The following KLF10 variants were observed in gnomAD, a reference collection of about 807,000 sequenced individuals.
The protein encoded by KLF10 is KLF transcription factor 10, also known as Krueppel-like factor 10.
Under a neutral mutation model 31.6 loss-of-function variants are expected in KLF10, and 17 were observed. The ratio of observed to expected loss-of-function variants is 0.54; its 90% CI spans 0.37 to 0.81. KLF10 has a LOEUF of 0.81. Among genes scored for constraint, KLF10 ranks in the 30% least tolerant of loss-of-function variants. The pLI is 0.00. For synonymous variants in KLF10, 239 were observed against 215.1 expected (o/e 1.11, Z -0.97); for missense variants, 525 against 598.1 (o/e 0.88, Z 1.27).
rs1372555110 is a variant in KLF10, at chr8:102,651,364, T to C, written c.968A>G (p.Gln323Arg). 6.3e-7 allele frequency: 1 copy of C among 1,599,836 alleles called. No individual in the cohort carries two copies. Among genetic ancestry groups the C allele is most frequent in the African/African-American group, 1.3e-5 (1 of 74,670 alleles). Residue 323 changes from glutamine (Q) to arginine (R), a missense_variant, in exon 3 of 4, where the codon CAG (glutamine) becomes CGG (arginine). By Grantham distance (43) the Gln-to-Arg change is conservative. Around this residue, in one of 3 missense-constraint regions of KLF10, gnomAD observed 434 missense variants for 450.7 expected, o/e 0.96. Transcript: ENST00000285407. Reference protein sequence around the residue: ...PKGAVMFVVPQPVVQSSKPPV... With the variant: ...PKGAVMFVVPRPVVQSSKPPV... ...AGGCTTTGAACTCTGCACAACGGGC[T>C]GGGGTACCACAAACATGACAGCGCC...
At chr8:102,653,804 G>A (rs1215207623) in intron 1 of KLF10, 3 of 1,054,878 alleles carry the variant, frequency 2.8e-6, no homozygotes, top group Non-Finnish European at 3.5e-6. Flanking sequence ...GGGAAGGACA[G>A]GAAGGGAAAC....
chr8:102,649,296 T>TC lies in KLF10; in HGVS notation c.*835dup, dbSNP rs1307366487. The TC allele has an allele frequency of 1.3e-5, 2 of 152,272 alleles. No homozygotes were observed. Among genetic ancestry groups the TC allele is most frequent in the African/African-American group, 4.8e-5 (2 of 41,468 alleles). 9.4% of individuals were successfully genotyped at this position (152,272 alleles called of 1,614,324 possible). A position where few individuals can be genotyped will look rare whatever the true frequency, so the allele number is the denominator to read the frequency against. On this transcript the variant is annotated 3_prime_UTR_variant, in exon 4 of 4. Transcript: ENST00000285407. ...ATATCCCTTCTTTACAATATATATTTCATCTTCAGTTTTTTTTCTAAACAA... is the reference window on the plus strand; with the variant it reads ...ATATCCCTTCTTTACAATATATATTTCCATCTTCAGTTTTTTTTCTAAACAA...
chr8:102,650,212 T>C lies in KLF10; in HGVS notation c.1363A>G (p.Lys455Glu). 6.2e-7 allele frequency: 1 copy of C among 1,614,232 alleles called. No individual in the cohort carries two copies. Among genetic ancestry groups the C allele is most frequent in the Non-Finnish European group, 8.5e-7 (1 of 1,180,042 alleles). The change falls in exon 4 of 4, where the codon AAG (lysine) becomes GAG (glutamate). Residue 455 changes from lysine to glutamate, a missense_variant. Transcript: ENST00000285407. ...TCCATCTGCCAGTTTGGTAGCTTCT[T>C]GGCTGATAGATGGCGCCGGGCATGC... ...TKHARRHLSA[K>E]KLPNWQMEVS...
chr8:102,651,886 T>C lies in KLF10; in HGVS notation c.446A>G (p.Lys149Arg), dbSNP rs1291534608. ...KSPVSAPKLP[K>R]AQATSVIRHT... is the part of the protein sequence containing the mutation. ...ACGAATCACACTTGTTGCCTGAGCT[T>C]TGGGGAGTTTGGGGGCAGATACTGG... Residue 149 changes from lysine to arginine, a missense_variant, in exon 3 of 4, where the codon AAA (lysine) becomes AGA (arginine). By Grantham distance (26) the Lys-to-Arg change is conservative. Transcript: ENST00000285407. 1.2e-6 allele frequency: 2 copies of C among 1,613,966 alleles called. No homozygotes were observed. Among genetic ancestry groups the C allele is most frequent in the African/African-American group, 1.3e-5 (1 of 74,892 alleles).
chr8:102,650,239 T>C lies in KLF10; in HGVS notation c.1336A>G (p.Lys446Glu). 1 of 1,614,176 alleles carries C rather than the reference T, an allele frequency of 6.2e-7. No homozygotes were observed. The highest frequency in any genetic ancestry group is 8.5e-7 in the Non-Finnish European group (1 of 1,180,024). The change falls in exon 4 of 4, where the codon AAG (lysine) becomes GAG (glutamate). Residue 446 changes from lysine to glutamate, a missense_variant. Around this residue, in one of 3 missense-constraint regions of KLF10, gnomAD observed 49 missense variants for 105.0 expected, o/e 0.47. Transcript: ENST00000285407. ...GCTGATAGATGGCGCCGGGCATGCT[T>C]GGTCAAATGGTCACTCCTCATGAAC... ...RRFMRSDHLT[K>E]HARRHLSAKK... is the part of the protein sequence containing the mutation.
In KLF10 at chr8:102,652,344, C is replaced by T; in HGVS notation, c.90G>A (p.Trp30Ter). 1 of 1,611,766 alleles carries T rather than the reference C, an allele frequency of 6.2e-7. No homozygotes were observed. The highest frequency in any genetic ancestry group is 8.5e-7 in the Non-Finnish European group (1 of 1,178,486). The change falls in exon 2 of 4, where the codon TGG (tryptophan) becomes TGA (stop). Residue 30 changes from tryptophan (W) to a stop codon, truncating the protein, a stop_gained. Coordinates refer to ENST00000285407, the MANE Select transcript of KLF10 (RefSeq NM_005655.4). LOFTEE classifies it high-confidence loss of function. ...SERPKESMYS[W>*]NKTAEKSDFE... ...AATCACTTTTCTCTGCAGTTTTGTT[C>T]CAGGAATACATACTCTCTTTTGGCC...
At position 102,650,042 on chromosome 8, in the gene KLF10, G is replaced by C; in HGVS notation, c.*90C>G. ...GCTTCTGCTTTAAGCCCACGTTGTG[G>C]GGCCACAGACTTGCAGTGGAAGCAT... On this transcript the variant is annotated 3_prime_UTR_variant, in exon 4 of 4. Coordinates refer to ENST00000285407, the MANE Select transcript of KLF10 (RefSeq NM_005655.4). 6.7e-7 allele frequency: 1 copy of C among 1,488,888 alleles called. No individual in the cohort carries two copies. Among genetic ancestry groups the C allele is most frequent in the South Asian group, 1.3e-5 (1 of 76,232 alleles). The allele number at this position is 1,488,888 out of a possible 1,614,324, so 92.2% of individuals were successfully genotyped here. A position where few individuals can be genotyped will look rare whatever the true frequency, so the allele number is the denominator to read the frequency against.
At chr8:102,654,024 G>GC (rs1827295086) in intron 1 of KLF10, 1 of 979,828 alleles carries the variant, frequency 1.0e-6, no homozygotes. Context: ...CCGCGCCCCT[G>GC]CCCCCGCCAT....
Position 102,649,950 on chromosome 8 carries a change from G to T in KLF10, c.*182C>A. The stretch of plus-strand genomic sequence containing the variant: ...TAAGAAATGAAACCTGCCTTTCTGT[G>T]ACCTGCCTGTGGCCGAAGCCCTTTT... On this transcript the variant is annotated 3_prime_UTR_variant, in exon 4 of 4. Coordinates refer to ENST00000285407, the MANE Select transcript of KLF10 (RefSeq NM_005655.4). 1 of 649,176 alleles carries T rather than the reference G, an allele frequency of 1.5e-6. No individual in the cohort carries two copies. Among genetic ancestry groups the T allele is most frequent in the South Asian group, 2.0e-5 (1 of 49,660 alleles). The allele number at this position is 649,176 out of a possible 1,614,324, so 40.2% of individuals were successfully genotyped here. A position where few individuals can be genotyped will look rare whatever the true frequency, so the allele number is the denominator to read the frequency against.
At chr8:102,650,433 C>G in intron 3 of KLF10, 42 bp from the exon 4 acceptor site, 3 of 1,575,850 alleles carry the variant, frequency 1.9e-6, no homozygotes, top group Non-Finnish European at 2.6e-6. Context: ...CATAAGATTG[C>G]CGTAAATTAT....
At chr8:102,653,760 G>A (rs1827278206) in intron 1 of KLF10, 1 of 1,114,854 alleles carries the variant, frequency 9.0e-7, no homozygotes, top group Non-Finnish European at 1.1e-6. Context: ...AAGGAAAAAA[G>A]AAAGGCAGGC....
intron 1 of KLF10, chr8:102,653,447 T>A (rs1204862594): frequency 1.4e-6 from 2 of 1,470,834 alleles, no homozygotes; most frequent in Admixed American, 2.2e-5. Context: ...TGAACTACGC[T>A]AAAAAAAAAT....
chr8:102,655,036 A>AC (rs377611818), intron 1 of KLF10, among the ~76,000 whole-genome samples: 1 of 150,212 alleles, frequency 6.7e-6, no homozygotes, highest in Middle Eastern at 3.4e-3. Context: ...GTGGGTTCAG[A>AC]CCCCCAGGAT....
At chr8:102,653,456 A>G (rs368057152) in intron 1 of KLF10, 952 of 1,542,974 alleles carry the variant, frequency 6.2e-4, no homozygotes, top group Non-Finnish European at 8.0e-4. Context: ...CTAAAAAAAA[A>G]TGGTACTACT....
At chr8:102,654,357 C>T (rs912183839) in intron 1 of KLF10, 4 of 149,984 alleles carry the variant, frequency 2.7e-5, no homozygotes, top group South Asian at 2.1e-4. Flanking sequence ...CCCCGCGAGC[C>T]GCCGTTCCCT....
chr8:102,652,214 C>T lies in KLF10; in HGVS notation c.220G>A (p.Glu74Lys), dbSNP rs371737466. 1 of 1,610,236 alleles carries T rather than the reference C, an allele frequency of 6.2e-7. No individual in the cohort carries two copies. Among genetic ancestry groups the T allele is most frequent in the Non-Finnish European group, 8.5e-7 (1 of 1,177,652 alleles). Residue 74 changes from glutamate to lysine, a missense_variant, in exon 2 of 4, where the codon GAA becomes AAA. Coordinates refer to ENST00000285407, the MANE Select transcript of KLF10 (RefSeq NM_005655.4). ...GGTGTTCCCGGAAGCAGATTCTCTTCCTCTGACAAATCAGATACTGGTGTA... is the reference window on the plus strand; with the variant it reads ...GGTGTTCCCGGAAGCAGATTCTCTTTCTCTGACAAATCAGATACTGGTGTA... ...PVTPVSDLSE[E>K]ENLLPGTPDF...
chr8:102,652,470 ATT>A (rs10639139), intron 1 of KLF10, 73 bp from the exon 2 acceptor site: 11,554 of 483,638 alleles, frequency 0.024, no homozygotes, highest in South Asian at 0.04. Flanking sequence ...AAATGAGCAA[ATT>A]TTTTTTTTTT....
At chr8:102,653,336 G>A (rs1417115997) in intron 1 of KLF10, 1 of 733,570 alleles carries the variant, frequency 1.4e-6, no homozygotes, top group African/African-American at 1.8e-5. Flanking sequence ...AATCAAAGTA[G>A]AATCTATTTT....
Position 102,651,253 on chromosome 8 carries a change from T to A in KLF10, c.1079A>T (p.Gln360Leu). 1 of 1,604,220 alleles carries A rather than the reference T, an allele frequency of 6.2e-7. No homozygotes were observed. The highest frequency in any genetic ancestry group is 8.5e-7 in the Non-Finnish European group (1 of 1,175,220). ...ACTCCTTATCCTTGATGAATCAATC[T>A]GAGGAGTGACTTTTGCTGCTGAAGG... is the stretch of plus-strand genomic sequence containing the variant. ...FSPSAAKVTP[Q>L]IDSSRIRSHI... Residue 360 changes from glutamine (Q) to leucine (L), a missense_variant, in exon 3 of 4, where the codon CAG becomes CTG. Transcript: ENST00000285407.
Sources: allele counts gnomAD v4.1 joint callset (sites outside exome capture counted in the v4.1 genomes callset), GRCh38; gene constraint gnomAD v4.1.1; regional missense constraint gnomAD v4.1.1; transcripts MANE v1.5; gene names NCBI Gene and HGNC (gene_info 2026-07-23, HGNC 2026-07-21).